NLK: variants seen among roughly 807,000 people sequenced by gnomAD.
NLK encodes serine/threonine-protein kinase NLK.
NLK carries 11 observed loss-of-function variants against 59.0 expected under a neutral mutation model. The ratio of observed to expected loss-of-function variants is 0.19; its 90% CI spans 0.12 to 0.31. The LOEUF (loss-of-function observed/expected upper bound fraction) is 0.31, where lower values mean the gene tolerates loss of function less well. Among genes scored for constraint, NLK ranks in the 10% least tolerant of loss-of-function variants. NLK has a pLI of 1.00. For missense variants in NLK, 410 were observed against 661.1 expected, an observed-to-expected ratio of 0.62 and a Z score of 4.16; for synonymous variants, 235 against 235.9, an observed-to-expected ratio of 1.00 and a Z score of 0.03.
chr17:28,154,128 G>A (rs1419656358), intron 3 of NLK, among the ~76,000 whole-genome samples: 1 of 152,082 alleles, frequency 6.6e-6, no homozygotes, highest in East Asian at 1.9e-4. Flanking sequence ...TCTAGAAAAG[G>A]CAGAAATCTA....
intron 3 of NLK, among the ~76,000 whole-genome samples, chr17:28,136,796 T>C (rs1906766566): frequency 6.6e-6 from 1 of 151,964 alleles, no homozygotes; most frequent in Admixed American, 6.6e-5. Flanking sequence ...ACAGACGAGG[T>C]TTCACCATGT....
chr17:28,179,872 GTTTTTTT>G (rs34411493), intron 7 of NLK, among the ~76,000 whole-genome samples: 3 of 79,412 alleles, frequency 3.8e-5, no homozygotes, highest in African/African-American at 1.0e-4. Flanking sequence ...AGCATTCTTG[GTTTTTTT>G]TTTTTTTTTT....
intron 2 of NLK, among the ~76,000 whole-genome samples, chr17:28,129,862 T>A (rs1906447174): frequency 6.6e-6 from 1 of 152,220 alleles, no homozygotes; most frequent in Non-Finnish European, 1.5e-5. Context: ...CTAAGCTATT[T>A]TCTTATGTAA....
In NLK at chr17:28,104,442, G is replaced by A. The variant is rs556771624; in HGVS notation, c.459-18161G>A. On this transcript the variant is annotated intron_variant, in intron 1 of 10. Coordinates refer to ENST00000407008, the MANE Select transcript of NLK (RefSeq NM_016231.5). ...AGCTAATTTTTGTTTTTTTAGTAGA[G>A]ACGAGGTTTCACCATGTTGGTCAGG... Among the ~76,000 whole-genome samples the A allele has an allele frequency of 1.9e-4, 29 of 152,134 alleles. No homozygotes were observed. The South Asian group carries it at 5.8e-3, about 31-fold the overall frequency.
At chr17:28,175,793 C>T (rs1259582919) in intron 7 of NLK, among the ~76,000 whole-genome samples, 1 of 152,116 alleles carries the variant, frequency 6.6e-6, no homozygotes. Context: ...GCAGATAAAG[C>T]TTGTGACTTC....
chr17:28,083,018 T>C (rs1910399798), intron 1 of NLK, among the ~76,000 whole-genome samples: 1 of 152,226 alleles, frequency 6.6e-6, no homozygotes, highest in African/African-American at 2.4e-5. Context: ...AATAGTCACA[T>C]GGTTTAGAAA....
chr17:28,055,724 A>G (rs899035890), intron 1 of NLK, among the ~76,000 whole-genome samples: 1 of 152,194 alleles, frequency 6.6e-6, no homozygotes, highest in Non-Finnish European at 1.5e-5. Flanking sequence ...AGCTATCACA[A>G]TTATTATTAC....
At chr17:28,071,862 T>A (rs1359566980) in intron 1 of NLK, among the ~76,000 whole-genome samples, 1 of 152,252 alleles carries the variant, frequency 6.6e-6, no homozygotes, top group African/African-American at 2.4e-5. Context: ...TGCCCTGCTT[T>A]CAGCATGCAG....
chr17:28,175,304 T>A (rs926366768), intron 7 of NLK, among the ~76,000 whole-genome samples: 37 of 150,642 alleles, frequency 2.5e-4, no homozygotes, highest in Non-Finnish European at 5.0e-4. Flanking sequence ...AAAAAAAAAA[T>A]TTAGCCAGGC....
intron 1 of NLK, chr17:28,116,365 G>T: frequency 5.1e-6 from 1 of 196,522 alleles, no homozygotes; most frequent in South Asian, 1.0e-4. Flanking sequence ...AACCCCGGCC[G>T]AATTTTCATG....
chr17:28,181,102 TAA>T (rs1394157120), intron 7 of NLK, among the ~76,000 whole-genome samples: 1 of 151,546 alleles, frequency 6.6e-6, no homozygotes, highest in Non-Finnish European at 1.5e-5. Context: ...AAAAAATTTT[TAA>T]AAAAGTTAGT....
Position 28,122,706 on chromosome 17 carries a change from ATGT to A in NLK, c.566_568del (p.Leu189del), listed in dbSNP as rs1331413468. Reference sequence around the variant, plus strand: ...CAAAAGGGTCTTCCGGGAATTGAAGATGTTGTGTTTTTTTAAGCATGATAATGT... The same window carrying A: ...CAAAAGGGTCTTCCGGGAATTGAAGATGTGTTTTTTTAAGCATGATAATGT... On this transcript the variant is annotated inframe_deletion, in exon 2 of 11. Transcript: ENST00000407008. 1 of 1,613,782 alleles carries A rather than the reference ATGT, an allele frequency of 6.2e-7. No individual in the cohort carries two copies. Among genetic ancestry groups the A allele is most frequent in the Non-Finnish European group, 8.5e-7 (1 of 1,179,786 alleles).
chr17:28,148,811 A>C (rs528527228), intron 3 of NLK, among the ~76,000 whole-genome samples: 1 of 152,356 alleles, frequency 6.6e-6, no homozygotes, highest in East Asian at 1.9e-4. Flanking sequence ...TAAGACTAAA[A>C]TTCAGGTGCT....
intron 1 of NLK, among the ~76,000 whole-genome samples, chr17:28,113,197 G>GT: frequency 6.6e-6 from 1 of 152,098 alleles, no homozygotes; most frequent in East Asian, 1.9e-4. Context: ...TAACTCAATG[G>GT]TGTATCACAA....
chr17:28,165,135 A>C (rs1331223314), intron 5 of NLK, among the ~76,000 whole-genome samples: 1 of 152,152 alleles, frequency 6.6e-6, no homozygotes, highest in African/African-American at 2.4e-5. Flanking sequence ...TCACTTTTTA[A>C]AGAGAACTTG....
intron 1 of NLK, among the ~76,000 whole-genome samples, chr17:28,093,197 T>TA (rs1904571125): frequency 6.6e-6 from 1 of 152,120 alleles, no homozygotes; most frequent in South Asian, 2.1e-4. Flanking sequence ...GAGGAGGGGA[T>TA]ATGCATTAAC....
At chr17:28,106,407 C>G (rs1185879188) in intron 1 of NLK, among the ~76,000 whole-genome samples, 3 of 152,060 alleles carry the variant, frequency 2.0e-5, no homozygotes, top group Non-Finnish European at 4.4e-5. Flanking sequence ...TTCTTATATG[C>G]TAACAGATGT....
intron 1 of NLK, among the ~76,000 whole-genome samples, chr17:28,114,598 T>C (rs1905676629): frequency 6.6e-6 from 1 of 152,240 alleles, no homozygotes; most frequent in African/African-American, 2.4e-5. Flanking sequence ...TAATTAGTGC[T>C]TTTTGTGTTC....
chr17:28,046,377 C>CA (rs1318491546), intron 1 of NLK, among the ~76,000 whole-genome samples: 1 of 152,150 alleles, frequency 6.6e-6, no homozygotes, highest in Non-Finnish European at 1.5e-5. Context: ...TATTTTATCT[C>CA]AAAGTAAGAG....
Sources: gnomAD v4.1 joint callset for allele counts (sites outside exome capture counted in the v4.1 genomes callset) on GRCh38, gnomAD v4.1.1 for gene constraint, MANE v1.5 for transcripts, NCBI Gene and HGNC (gene_info 2026-07-23, HGNC 2026-07-21) for gene names.